The following CMSS1 variants were observed in gnomAD, a reference collection of about 807,000 sequenced individuals.
CMSS1 encodes cms1 ribosomal small subunit homolog, also known as protein CMSS1.
CMSS1 carries 33 observed loss-of-function variants against 43.5 expected under a neutral mutation model. That is an observed-to-expected ratio of 0.76 (90% CI 0.57 to 1.01). CMSS1 has a LOEUF of 1.01. CMSS1 is among the 50% of genes least tolerant of loss of function. The pLI is 0.00. For missense variants in CMSS1, 313 were observed against 326.4 expected (o/e 0.96, Z 0.32); for synonymous variants, 115 against 117.2 (o/e 0.98, Z 0.12).
chr3:99,874,390 C>T (rs778005168), intron 1 of CMSS1: 5 of 152,088 alleles, frequency 3.3e-5, no homozygotes, highest in Non-Finnish European at 7.4e-5. Flanking sequence ...TTCCAATTAC[C>T]GCTTATATCA....
intron 1 of CMSS1, among the ~76,000 whole-genome samples, chr3:99,889,292 A>C (rs1706009024): frequency 6.6e-6 from 1 of 152,134 alleles, no homozygotes; most frequent in Non-Finnish European, 1.5e-5. Context: ...CACAAATTCA[A>C]ACTGTTCCTA....
chr3:99,849,095 G>C, intron 1 of CMSS1: 1 of 1,614,118 alleles, frequency 6.2e-7, no homozygotes, highest in Non-Finnish European at 8.5e-7. Flanking sequence ...GGAATCCATA[G>C]CTTTCTGTTA....
chr3:100,046,350 T>C (rs753167752), intron 1 of CMSS1, among the ~76,000 whole-genome samples: 4 of 152,212 alleles, frequency 2.6e-5, no homozygotes, highest in Non-Finnish European at 5.9e-5. Flanking sequence ...GCAGAATTAT[T>C]TTTATATTTG....
intron 1 of CMSS1, among the ~76,000 whole-genome samples, chr3:99,862,183 T>C (rs931552493): frequency 1.3e-5 from 2 of 152,184 alleles, no homozygotes; most frequent in African/African-American, 2.4e-5. Flanking sequence ...CATCATGTTA[T>C]AGGCCCTAAA....
chr3:99,851,210 G>A (rs1183219142), intron 1 of CMSS1: 3 of 626,558 alleles, frequency 4.8e-6, no homozygotes, highest in Non-Finnish European at 7.4e-6. Flanking sequence ...AAGAGTTCCT[G>A]AATTTGATGA....
chr3:99,851,544 T>C (rs377162956), intron 1 of CMSS1, among the ~76,000 whole-genome samples: 5 of 152,378 alleles, frequency 3.3e-5, no homozygotes, highest in East Asian at 3.9e-4. Flanking sequence ...TCAGGGGCTT[T>C]TTATGAAAAT....
rs772179353 is a variant in CMSS1, at chr3:100,162,327, A to G, written c.250A>G (p.Lys84Glu). ...GAAGAAAATTACTGATGTTCTTGCA[A>G]AATCAGAACCAAAACCAGGGTTACC... is the stretch of plus-strand genomic sequence containing the variant. ...RKKKITDVLAKSEPKPGLPED... is the reference protein window; with the variant it reads ...RKKKITDVLAESEPKPGLPED... Residue 84 changes from lysine to glutamate, a missense_variant, in exon 4 of 10, where the codon AAA becomes GAA. Lys to Glu is a moderately conservative substitution (Grantham distance 56). Transcript: ENST00000421999. The G allele has an allele frequency of 1.9e-6, 3 of 1,611,274 alleles. No homozygotes were observed. The highest frequency in any genetic ancestry group is 2.5e-6 in the Non-Finnish European group (3 of 1,178,930).
chr3:99,948,610 G>A (rs1024361804), intron 1 of CMSS1, among the ~76,000 whole-genome samples: 1 of 147,586 alleles, frequency 6.8e-6, no homozygotes, highest in Non-Finnish European at 1.5e-5. Context: ...GAGGGGAGGG[G>A]AAGGGAGAGA....
chr3:99,910,576 TG>T lies in CMSS1; in HGVS notation c.64+92534del, dbSNP rs1274970505. On this transcript the variant is annotated intron_variant, in intron 1 of 9. Transcript: ENST00000421999. ...TACCACTTTCCAAGGAAACAATTTT[TG>T]TAGGTAACCTGGGGAGTATTATGTT... Among the ~76,000 whole-genome samples the T allele has an allele frequency of 1.5e-5, 2 of 136,816 alleles. 1 individual carries two copies. Among genetic ancestry groups the T allele is most frequent in the Admixed American group, 1.6e-4 (2 of 12,864 alleles). The allele number at this position is 136,816 out of a possible 152,430, so 89.8% of individuals were successfully genotyped here.
chr3:100,171,600 G>C (rs1185886145), intron 6 of CMSS1, among the ~76,000 whole-genome samples: 1 of 152,222 alleles, frequency 6.6e-6, no homozygotes, highest in East Asian at 1.9e-4. Context: ...GCCTAAGTAA[G>C]GTTGACCTTG....
intron 1 of CMSS1, among the ~76,000 whole-genome samples, chr3:100,060,907 A>G (rs1215361978): frequency 5.3e-5 from 8 of 152,192 alleles, no homozygotes; most frequent in Admixed American, 4.6e-4. Flanking sequence ...TTTGAGCCAT[A>G]CAGATCTATC....
intron 1 of CMSS1, among the ~76,000 whole-genome samples, chr3:100,024,321 C>G (rs2064879736): frequency 6.6e-6 from 1 of 152,140 alleles, no homozygotes; most frequent in Admixed American, 6.5e-5. Context: ...TTAATTATAC[C>G]TTAGTGATTG....
chr3:100,114,865 G>A, intron 1 of CMSS1: 1 of 984,804 alleles, frequency 1.0e-6, no homozygotes, highest in Non-Finnish European at 1.5e-6. Context: ...ATAACCCAAG[G>A]CACTGTAAAC....
At chr3:100,167,623 C>A (rs2067075861) in intron 5 of CMSS1, 115 bp from the exon 6 acceptor site, 1 of 531,686 alleles carries the variant, frequency 1.9e-6, no homozygotes, top group South Asian at 3.4e-5. Flanking sequence ...TATAATGAAC[C>A]ATGCTTACTA....
At chr3:99,997,225 C>G (rs1047756368) in intron 1 of CMSS1, among the ~76,000 whole-genome samples, 8 of 152,114 alleles carry the variant, frequency 5.3e-5, no homozygotes, top group African/African-American at 1.9e-4. Flanking sequence ...GCTTGCTAGA[C>G]TAACCAAGAA....
In CMSS1 at chr3:99,856,312, A is replaced by G. The variant is rs148055570; in HGVS notation, c.64+38269A>G. Among the ~76,000 whole-genome samples the G allele has an allele frequency of 1.3e-4, 20 of 152,344 alleles. No individual in the cohort carries two copies. The East Asian group carries it at 3.9e-3, about 29-fold the overall frequency. On this transcript the variant is annotated intron_variant, in intron 1 of 9. Transcript: ENST00000421999. ...TAGAACACAAAGAGTATAGGTATGAATAGTGGACGTAGACGTTGATCCCTT... is the reference window on the plus strand; with the variant it reads ...TAGAACACAAAGAGTATAGGTATGAGTAGTGGACGTAGACGTTGATCCCTT...
At chr3:99,857,274 A>G (rs1386767004) in intron 1 of CMSS1, among the ~76,000 whole-genome samples, 1 of 152,222 alleles carries the variant, frequency 6.6e-6, no homozygotes, top group Admixed American at 6.5e-5. Flanking sequence ...CTCCAAGAAC[A>G]TTATTTTCTC....
chr3:99,929,666 A>G (rs1483331960), intron 1 of CMSS1, among the ~76,000 whole-genome samples: 2 of 152,268 alleles, frequency 1.3e-5, no homozygotes, highest in Middle Eastern at 3.4e-3. Context: ...AACCTAGTGG[A>G]CGCATCCTGT....
At chr3:100,146,892 C>A in intron 1 of CMSS1, 81 bp from the exon 2 acceptor site, 1 of 1,514,092 alleles carries the variant, frequency 6.6e-7, no homozygotes, top group Non-Finnish European at 8.9e-7. Context: ...AGAGATAGAA[C>A]CTTCTAGAAA....
Sources: allele counts gnomAD v4.1 joint callset (sites outside exome capture counted in the v4.1 genomes callset), GRCh38; gene constraint gnomAD v4.1.1; transcripts MANE v1.5; gene names NCBI Gene and HGNC (gene_info 2026-07-23, HGNC 2026-07-21).